Variants in CHN2 observed in about 807,000 individuals in gnomAD.
CHN2 encodes beta-chimaerin.
A neutral mutation model predicts 56.3 loss-of-function variants in CHN2; 35 were observed. The ratio of observed to expected loss-of-function variants is 0.62; its 90% CI spans 0.47 to 0.82. CHN2 has a LOEUF of 0.82. CHN2 is among the 40% of genes least tolerant of loss of function. The pLI is 0.00. For missense variants in CHN2, 491 were observed against 580.5 expected, an observed-to-expected ratio of 0.85 and a Z score of 1.58; for synonymous variants, 210 against 212.8, an observed-to-expected ratio of 0.99 and a Z score of 0.12.
chr7:29,192,532 GT>G (rs1463994801), upstream of CHN2: 1 of 152,178 alleles, frequency 6.6e-6, no homozygotes, highest in Non-Finnish European at 1.5e-5. Context: ...AGTAGAACAG[GT>G]CACAGTTGAT....
At chr7:29,329,237 G>C (rs1796029565) in intron 1 of CHN2, among the ~76,000 whole-genome samples, 1 of 152,024 alleles carries the variant, frequency 6.6e-6, no homozygotes, top group Non-Finnish European at 1.5e-5. Context: ...TTTCTACTGA[G>C]CTTGATCACG....
At chr7:29,204,578 T>A (rs973890382) in intron 1 of CHN2, among the ~76,000 whole-genome samples, 1 of 152,214 alleles carries the variant, frequency 6.6e-6, no homozygotes, top group Non-Finnish European at 1.5e-5. Flanking sequence ...TCTCTTTCAG[T>A]AGGTACCCTT....
intron 10 of CHN2, among the ~76,000 whole-genome samples, chr7:29,506,053 T>C (rs1005051662): frequency 1.3e-5 from 2 of 152,232 alleles, no homozygotes; most frequent in East Asian, 1.9e-4. Context: ...TCCTATATGA[T>C]TAAAACATTT....
intron 1 of CHN2, among the ~76,000 whole-genome samples, chr7:29,290,166 C>T (rs889099245): frequency 2.0e-5 from 3 of 152,212 alleles, no homozygotes; most frequent in Admixed American, 6.5e-5. Flanking sequence ...GCACAAGGAC[C>T]GTTTGACCAA....
intron 1 of CHN2, among the ~76,000 whole-genome samples, chr7:29,249,106 G>C (rs1262237767): frequency 6.6e-6 from 1 of 152,054 alleles, no homozygotes; most frequent in Admixed American, 6.6e-5. Context: ...TTTATTTGGG[G>C]GATTGGCTCT....
intron 2 of CHN2, among the ~76,000 whole-genome samples, chr7:29,152,016 C>T (rs1023025336): frequency 4.6e-5 from 7 of 152,124 alleles, no homozygotes; most frequent in African/African-American, 7.2e-5. Flanking sequence ...TTATTTTCTT[C>T]GAATGGAAAT....
intron 1 of CHN2, chr7:29,213,270 C>T: frequency 2.4e-6 from 2 of 848,732 alleles, no homozygotes; most frequent in Non-Finnish European, 4.0e-6. Context: ...CTGAATCCTT[C>T]CTCTCCCCTC....
intron 2 of CHN2, among the ~76,000 whole-genome samples, chr7:29,360,933 A>G (rs6462133): frequency 0.39 from 59,006 of 152,012 alleles, 11,901 homozygotes; most frequent in Middle Eastern, 0.47. Flanking sequence ...ACAATTTCTT[A>G]ATCTGCTTTG....
intron 6 of CHN2, among the ~76,000 whole-genome samples, chr7:29,417,117 C>T (rs1803835763): frequency 6.6e-6 from 1 of 152,200 alleles, no homozygotes; most frequent in Non-Finnish European, 1.5e-5. Flanking sequence ...GCTCCCCTGC[C>T]AGGGCCCCAG....
chr7:29,248,721 C>T (rs551163541), intron 1 of CHN2, among the ~76,000 whole-genome samples: 53 of 152,328 alleles, frequency 3.5e-4, no homozygotes, highest in South Asian at 2.7e-3. Context: ...AACCTGAACC[C>T]TCAGCAGCAT....
chr7:29,270,240 C>A (rs1790506464), intron 1 of CHN2, among the ~76,000 whole-genome samples: 2 of 152,104 alleles, frequency 1.3e-5, no homozygotes. Flanking sequence ...TTGTTTCAGT[C>A]CCCACAGTTG....
chr7:29,227,988 T>C (rs1371534517), intron 1 of CHN2, among the ~76,000 whole-genome samples: 1 of 152,166 alleles, frequency 6.6e-6, no homozygotes, highest in Admixed American at 6.5e-5. Flanking sequence ...AAGCTTATTG[T>C]TAAGTTAAAG....
intron 2 of CHN2, among the ~76,000 whole-genome samples, chr7:29,163,129 C>A (rs1795415831): frequency 6.6e-6 from 1 of 151,668 alleles, no homozygotes; most frequent in Non-Finnish European, 1.5e-5. Flanking sequence ...GTAATTATTT[C>A]AAAATTAAAA....
chr7:29,493,743 C>G (rs2128564459), intron 7 of CHN2, among the ~76,000 whole-genome samples: 1 of 152,256 alleles, frequency 6.6e-6, no homozygotes, highest in East Asian at 1.9e-4. Context: ...CTTCCACTTT[C>G]CATCTCCACT....
chr7:29,447,346 C>G (rs1279172568), intron 6 of CHN2, among the ~76,000 whole-genome samples: 1 of 152,048 alleles, frequency 6.6e-6, no homozygotes, highest in Non-Finnish European at 1.5e-5. Context: ...TCACAGCAGA[C>G]TAGAAATTGC....
intron 6 of CHN2, 68 bp from the exon 7 acceptor site, chr7:29,480,207 GCCTT>G: frequency 1.9e-6 from 3 of 1,613,766 alleles, no homozygotes; most frequent in Non-Finnish European, 2.5e-6. Flanking sequence ...GCTGGCCGTA[GCCTT>G]CGGGGTGAAG....
chr7:29,438,860 A>G (rs1355791754), intron 6 of CHN2, among the ~76,000 whole-genome samples: 1 of 152,224 alleles, frequency 6.6e-6, no homozygotes, highest in African/African-American at 2.4e-5. Context: ...ACAGTTGTAC[A>G]TTGTAGAAAC....
chr7:29,400,549 A>G lies in CHN2; in HGVS notation c.297A>G (p.Gly99=). ...PGCYTLALRF[G]NQTLNYRLFH... ...CTCATTCTCTCACGGGCAGGTTTGG[A>G]AACCAGACCTTAAACTACAGGCTCT... The change falls in exon 6 of 13, where the codon GGA becomes GGG. Residue 99 remains glycine (G), a synonymous_variant. Transcript: ENST00000222792. 1 of 1,613,788 alleles carries G rather than the reference A, an allele frequency of 6.2e-7. No homozygotes were observed. Among genetic ancestry groups the G allele is most frequent in the South Asian group, 1.1e-5 (1 of 91,044 alleles).
At chr7:29,167,849 G>A (rs142243758) in intron 2 of CHN2, among the ~76,000 whole-genome samples, 1 of 152,324 alleles carries the variant, frequency 6.6e-6, no homozygotes, top group Non-Finnish European at 1.5e-5. Flanking sequence ...GAATTGTGAA[G>A]GAATGTCTGC....
Sources: gnomAD v4.1 joint callset for allele counts (sites outside exome capture counted in the v4.1 genomes callset) on GRCh38, gnomAD v4.1.1 for gene constraint, MANE v1.5 for transcripts, NCBI Gene and HGNC (gene_info 2026-07-23, HGNC 2026-07-21) for gene names.